DIPK1A: variants seen among roughly 807,000 people sequenced by gnomAD.
DIPK1A encodes family with sequence similarity 69 member A.
Under a neutral mutation model 40.8 loss-of-function variants are expected in DIPK1A, and 27 were observed. The observed-to-expected ratio is 0.66, with a 90% CI of 0.49 to 0.91. DIPK1A has a LOEUF of 0.91. Among genes scored for constraint, DIPK1A ranks in the 40% least tolerant of loss-of-function variants. The probability of loss-of-function intolerance (pLI) is 0.00; values close to 1 mark genes in which losing one functional copy is unlikely to be tolerated. For missense variants in DIPK1A, 412 were observed against 505.7 expected, an observed-to-expected ratio of 0.81 and a Z score of 1.78; for synonymous variants, 166 against 171.3, an observed-to-expected ratio of 0.97 and a Z score of 0.24.
intron 2 of DIPK1A, among the ~76,000 whole-genome samples, chr1:92,875,729 AAGAG>A (rs1298386459): frequency 1.3e-5 from 2 of 151,812 alleles, no homozygotes; most frequent in Non-Finnish European, 2.9e-5. Context: ...AAAAAAAAAA[AAGAG>A]AGAAAGTACT....
At chr1:92,941,512 T>C (rs1651148844) in intron 1 of DIPK1A, among the ~76,000 whole-genome samples, 1 of 152,236 alleles carries the variant, frequency 6.6e-6, no homozygotes, top group African/African-American at 2.4e-5. Flanking sequence ...AGTCATTCCC[T>C]GAGACAGTAT....
intron 1 of DIPK1A, chr1:92,933,177 CAAAACCCAAGAAGTAGAAGG>C (rs1650824941): frequency 6.6e-6 from 1 of 151,996 alleles, no homozygotes; most frequent in African/African-American, 2.4e-5. Flanking sequence ...CAAAAACCCC[CAAAACCCAAGAAGTAGAAGG>C]AAAGAAATAA....
At chr1:92,913,758 C>T (rs1649936120) in intron 1 of DIPK1A, among the ~76,000 whole-genome samples, 1 of 152,148 alleles carries the variant, frequency 6.6e-6, no homozygotes, top group Non-Finnish European at 1.5e-5. Flanking sequence ...TTATTTTGGC[C>T]CTCTCTGCCT....
downstream of DIPK1A, among the ~76,000 whole-genome samples, chr1:92,838,436 A>G (rs765065458): frequency 6.6e-6 from 1 of 152,220 alleles, no homozygotes; most frequent in African/African-American, 2.4e-5. Flanking sequence ...TTCCTAACCT[A>G]TATCTTTATG....
rs1355670871 is a variant in DIPK1A, at chr1:92,844,092, G to A, written c.578C>T (p.Ser193Leu). The change falls in exon 5 of 5, where the codon TCG becomes TTG. Residue 193 changes from serine (S) to leucine (L), a missense_variant. Ser to Leu is a moderately radical substitution (Grantham distance 145). Transcript: ENST00000370310. ...DGQVSLGEAK[S>L]AWALLQLNEF... ...ATTCAGTTGAAGAAGTGCCCATGCC[G>A]ACTTTGCTTCTCCCAAGGAAACCTG... 5.8e-6 allele frequency: 9 copies of A among 1,551,796 alleles called. No individual in the cohort carries two copies. Among genetic ancestry groups the A allele is most frequent in the Non-Finnish European group, 7.8e-6 (9 of 1,147,020 alleles).
downstream of DIPK1A, chr1:92,842,002 A>G: frequency 1.2e-6 from 1 of 832,870 alleles, no homozygotes; most frequent in Non-Finnish European, 1.8e-6. Flanking sequence ...AGGAGTTGAC[A>G]GGTTTTTTTC....
chr1:92,946,560 A>G (rs185657548), intron 1 of DIPK1A, among the ~76,000 whole-genome samples: 1 of 152,372 alleles, frequency 6.6e-6, no homozygotes, highest in Admixed American at 6.5e-5. Context: ...TACAACTATC[A>G]AACAATGGAG....
chr1:92,910,780 C>A (rs902420402), intron 1 of DIPK1A, among the ~76,000 whole-genome samples: 2 of 152,110 alleles, frequency 1.3e-5, no homozygotes, highest in Non-Finnish European at 2.9e-5. Flanking sequence ...GACATTGATA[C>A]AATCTACTGA....
chr1:92,926,189 T>A (rs1264725270), intron 1 of DIPK1A, among the ~76,000 whole-genome samples: 1 of 152,228 alleles, frequency 6.6e-6, no homozygotes, highest in African/African-American at 2.4e-5. Flanking sequence ...TATGAACAAT[T>A]AAAGCTATAA....
At chr1:92,920,229 C>T (rs1004249658) in intron 1 of DIPK1A, among the ~76,000 whole-genome samples, 9 of 152,148 alleles carry the variant, frequency 5.9e-5, no homozygotes, top group South Asian at 2.1e-4. Context: ...GTGTCAAGGG[C>T]GTGGCCAGTG....
intron 1 of DIPK1A, among the ~76,000 whole-genome samples, chr1:92,897,713 G>C (rs1649234809): frequency 6.7e-6 from 1 of 149,950 alleles, no homozygotes; most frequent in African/African-American, 2.5e-5. Context: ...TCAGGAGCAT[G>C]CTGTTTAATT....
At chr1:92,959,903 C>CTTTTTT (rs1157142089) in intron 1 of DIPK1A, among the ~76,000 whole-genome samples, 949 of 47,794 alleles carry the variant, frequency 0.02, 134 homozygotes, top group African/African-American at 0.086. Flanking sequence ...ACCCAACCAA[C>CTTTTTT]TTTTTTTTTT....
chr1:92,841,733 AG>A, downstream of DIPK1A: 7 of 1,378,990 alleles, frequency 5.1e-6, no homozygotes, highest in Non-Finnish European at 7.2e-6. Context: ...CTTCAGTTAT[AG>A]TTTAAAAAAT....
intron 1 of DIPK1A, among the ~76,000 whole-genome samples, chr1:92,890,494 A>G (rs1002122891): frequency 6.6e-6 from 1 of 152,158 alleles, no homozygotes; most frequent in Non-Finnish European, 1.5e-5. Flanking sequence ...TTTTCCTTCT[A>G]TATCCAATTT....
intron 1 of DIPK1A, among the ~76,000 whole-genome samples, chr1:92,906,516 T>C (rs1170958071): frequency 6.6e-6 from 1 of 152,182 alleles, no homozygotes; most frequent in Non-Finnish European, 1.5e-5. Flanking sequence ...ATCAATAAAA[T>C]GCAGATATAA....
At chr1:92,838,633 C>A (rs3790444), downstream of DIPK1A, among the ~76,000 whole-genome samples, 11 of 152,312 alleles carry the variant, frequency 7.2e-5, no homozygotes, top group East Asian at 2.1e-3. Flanking sequence ...CTGCTGAAAT[C>A]CTGTGCAGAC....
intron 4 of DIPK1A, chr1:92,833,483 A>G (rs756108510): frequency 1.4e-4 from 220 of 1,613,046 alleles, no homozygotes; most frequent in Non-Finnish European, 1.7e-4. Flanking sequence ...TTGTGTTTAC[A>G]ATATTAATCT....
chr1:92,941,378 T>C (rs749307192), intron 1 of DIPK1A, among the ~76,000 whole-genome samples: 3 of 152,238 alleles, frequency 2.0e-5, no homozygotes, highest in Non-Finnish European at 4.4e-5. Flanking sequence ...AAAATAACAG[T>C]AACCTACCAT....
At chr1:92,960,037 G>A (rs886822187) in intron 1 of DIPK1A, among the ~76,000 whole-genome samples, 6 of 150,394 alleles carry the variant, frequency 4.0e-5, no homozygotes, top group Admixed American at 3.3e-4. Context: ...TTACACGTGT[G>A]AGCCATCGCG....
Sources: gnomAD v4.1 joint callset for allele counts (sites outside exome capture counted in the v4.1 genomes callset) on GRCh38, gnomAD v4.1.1 for gene constraint, MANE v1.5 for transcripts, NCBI Gene and HGNC (gene_info 2026-07-23, HGNC 2026-07-21) for gene names.